Variants in PLXNA4 observed in about 807,000 individuals in gnomAD.
PLXNA4 encodes plexin A4.
Under a neutral mutation model 191.8 loss-of-function variants are expected in PLXNA4, and 44 were observed. That is an observed-to-expected ratio of 0.23 (90% CI 0.18 to 0.29). The LOEUF (loss-of-function observed/expected upper bound fraction) is 0.29, where lower values mean the gene tolerates loss of function less well. PLXNA4 is among the 10% of genes least tolerant of loss of function. PLXNA4 has a pLI of 1.00. For missense variants in PLXNA4, 1,800 were observed against 2,488.8 expected, an observed-to-expected ratio of 0.72 and a Z score of 5.89; for synonymous variants, 1,082 against 1,009.5, an observed-to-expected ratio of 1.07 and a Z score of -1.36.
intron 2 of PLXNA4, among the ~76,000 whole-genome samples, chr7:132,624,348 A>T (rs543811451): frequency 6.6e-6 from 1 of 152,226 alleles, no homozygotes; most frequent in Non-Finnish European, 1.5e-5. Flanking sequence ...GTCCCTGGCC[A>T]TAAGCACATG....
chr7:132,629,665 C>T (rs1394562128), intron 2 of PLXNA4, among the ~76,000 whole-genome samples: 2 of 152,172 alleles, frequency 1.3e-5, no homozygotes, highest in Non-Finnish European at 2.9e-5. Context: ...ATATCATGGA[C>T]TGGGTTTAAA....
At chr7:132,535,663 C>T (rs1187993978) in intron 1 of PLXNA4, among the ~76,000 whole-genome samples, 3 of 152,106 alleles carry the variant, frequency 2.0e-5, no homozygotes, top group Admixed American at 6.5e-5. Flanking sequence ...AGTGTGACCC[C>T]GAGAGAATAG....
chr7:132,623,738 C>T (rs1376054726), intron 2 of PLXNA4, among the ~76,000 whole-genome samples: 1 of 152,170 alleles, frequency 6.6e-6, no homozygotes, highest in Admixed American at 6.5e-5. Flanking sequence ...ACAACCACTC[C>T]AAAGGCCTTT....
At chr7:132,514,019 T>C (rs544070009) in intron 1 of PLXNA4, among the ~76,000 whole-genome samples, 1 of 150,864 alleles carries the variant, frequency 6.6e-6, no homozygotes, top group Non-Finnish European at 1.5e-5. Flanking sequence ...AAAATACTAG[T>C]ATGTCACATA....
At chr7:132,617,515 C>G (rs1178639502) in intron 2 of PLXNA4, among the ~76,000 whole-genome samples, 1 of 152,142 alleles carries the variant, frequency 6.6e-6, no homozygotes, top group African/African-American at 2.4e-5. Flanking sequence ...TGATTTCAGA[C>G]CAAATACATA....
At chr7:132,541,384 C>T (rs912536411) in intron 1 of PLXNA4, among the ~76,000 whole-genome samples, 9 of 152,216 alleles carry the variant, frequency 5.9e-5, no homozygotes, top group African/African-American at 2.2e-4. Flanking sequence ...GGAATGCTAA[C>T]GGTGAAAACC....
intron 2 of PLXNA4, among the ~76,000 whole-genome samples, chr7:132,614,822 C>T (rs940850608): frequency 6.6e-6 from 1 of 152,172 alleles, no homozygotes; most frequent in African/African-American, 2.4e-5. Context: ...GGAACTGAGC[C>T]GCGGAGAAAA....
At chr7:132,364,668 C>T (rs1266807301) in intron 3 of PLXNA4, among the ~76,000 whole-genome samples, 1 of 152,178 alleles carries the variant, frequency 6.6e-6, no homozygotes, top group African/African-American at 2.4e-5. Flanking sequence ...TTTTCCTTAT[C>T]ACCAAACATA....
At chr7:132,234,181 G>A (rs190228156) in intron 5 of PLXNA4, among the ~76,000 whole-genome samples, 98 of 152,216 alleles carry the variant, frequency 6.4e-4, no homozygotes, top group East Asian at 5.0e-3. Flanking sequence ...TAATCCAGTC[G>A]GTAACAAGGA....
At chr7:132,260,858 G>A (rs928627854) in intron 4 of PLXNA4, among the ~76,000 whole-genome samples, 1 of 152,016 alleles carries the variant, frequency 6.6e-6, no homozygotes, top group Non-Finnish European at 1.5e-5. Context: ...CCCAGAGTGA[G>A]CCCTACCAAA....
At chr7:132,393,127 T>A (rs1793583869) in intron 3 of PLXNA4, among the ~76,000 whole-genome samples, 1 of 151,950 alleles carries the variant, frequency 6.6e-6, no homozygotes, top group Non-Finnish European at 1.5e-5. Context: ...GCTGGAAATG[T>A]TCACTTATCC....
chr7:132,505,000 A>G (rs1033142061), intron 2 of PLXNA4, among the ~76,000 whole-genome samples: 2 of 152,230 alleles, frequency 1.3e-5, no homozygotes, highest in Non-Finnish European at 1.5e-5. Context: ...GTATCTGCCA[A>G]ATCAAAGGAA....
At chr7:132,155,959 C>G (rs533584403) in intron 25 of PLXNA4, among the ~76,000 whole-genome samples, 2 of 152,278 alleles carry the variant, frequency 1.3e-5, no homozygotes, top group South Asian at 4.2e-4. Flanking sequence ...AGACTGACCT[C>G]CCTTGAGAAA....
chr7:132,238,931 T>C (rs1479722915), intron 5 of PLXNA4, among the ~76,000 whole-genome samples: 3 of 152,158 alleles, frequency 2.0e-5, no homozygotes, highest in Non-Finnish European at 2.9e-5. Context: ...CCTCATACCA[T>C]CTCATTTGAT....
chr7:132,496,049 A>G (rs2117575047), intron 2 of PLXNA4, among the ~76,000 whole-genome samples: 1 of 152,336 alleles, frequency 6.6e-6, no homozygotes, highest in South Asian at 2.1e-4. Context: ...GACCTGGGCC[A>G]TGACTAGACA....
At chr7:132,142,200 G>A (rs905095103) in intron 29 of PLXNA4, among the ~76,000 whole-genome samples, 1 of 152,150 alleles carries the variant, frequency 6.6e-6, no homozygotes, top group African/African-American at 2.4e-5. Flanking sequence ...CCTTTTGGCT[G>A]TAGCCATCCC....
At chr7:132,294,150 T>C (rs1045160447) in intron 4 of PLXNA4, among the ~76,000 whole-genome samples, 7 of 151,842 alleles carry the variant, frequency 4.6e-5, no homozygotes, top group Non-Finnish European at 8.8e-5. Flanking sequence ...GGAGAGGAGA[T>C]TGGGAGTTTA....
chr7:132,168,426 T>C lies in PLXNA4; in HGVS notation c.4164A>G (p.Ser1388=), dbSNP rs1179625312. The C allele has an allele frequency of 1.2e-6, 2 of 1,613,970 alleles. No individual in the cohort carries two copies. The highest frequency in any genetic ancestry group is 3.3e-4 in the Middle Eastern group (2 of 6,058). ...TGCTCTGCAGCACGGTCATGATGAGTGAGGCCACGTTGCCACGGTCGCGCA... is the reference window on the plus strand; with the variant it reads ...TGCTCTGCAGCACGGTCATGATGAGCGAGGCCACGTTGCCACGGTCGCGCA... ...FSMRDRGNVA[S]LIMTVLQSKL... Residue 1388 remains serine (S), a synonymous_variant, in exon 22 of 32, where the codon TCA becomes TCG. Transcript: ENST00000321063.
At chr7:132,188,411 T>C (rs2116782262) in intron 14 of PLXNA4, among the ~76,000 whole-genome samples, 1 of 152,284 alleles carries the variant, frequency 6.6e-6, no homozygotes, top group Non-Finnish European at 1.5e-5. Context: ...GATTTCTCTC[T>C]CCCTTCCCCA....
Sources: allele counts gnomAD v4.1 joint callset (sites outside exome capture counted in the v4.1 genomes callset), GRCh38; gene constraint gnomAD v4.1.1; transcripts MANE v1.5; gene names NCBI Gene and HGNC (gene_info 2026-07-23, HGNC 2026-07-21).